FAM107B: variants seen among roughly 807,000 people sequenced by gnomAD.
FAM107B encodes the protein family with sequence similarity 107 member B.
Under a neutral mutation model 31.5 loss-of-function variants are expected in FAM107B, and 21 were observed. The ratio of observed to expected loss-of-function variants is 0.67; its 90% CI spans 0.47 to 0.96. FAM107B has a LOEUF of 0.96. FAM107B is among the 40% of genes least tolerant of loss of function. The probability of loss-of-function intolerance (pLI) is 0.00; values close to 1 mark genes in which losing one functional copy is unlikely to be tolerated. For synonymous variants in FAM107B, 157 were observed against 141.5 expected, an observed-to-expected ratio of 1.11 and a Z score of -0.78; for missense variants, 452 against 377.1, an observed-to-expected ratio of 1.20 and a Z score of -1.64.
chr10:14,767,077 G>GAGAC (rs1588767610), intron 1 of FAM107B, among the ~76,000 whole-genome samples: 1 of 91,124 alleles, frequency 1.1e-5, no homozygotes, highest in Non-Finnish European at 2.2e-5. Context: ...GAGAGAGAGA[G>GAGAC]AGAGAGAGAG....
rs556887928 is a variant in FAM107B at position 14,677,525 on chromosome 10, G to C, written c.412-9834C>G. 3.7e-4 allele frequency among the ~76,000 whole-genome samples: 56 copies of C among 152,272 alleles called. No homozygotes were observed. In the South Asian group the frequency reaches 0.011, roughly 29 times the overall value. On this transcript the variant is annotated intron_variant, in intron 1 of 4. Transcript: ENST00000181796. ...AGTCCCAGCTACTCGGCAGGCTGAGGCAGGAGAATGGCGCGAACCCGGGAG... is the reference window on the plus strand; with the variant it reads ...AGTCCCAGCTACTCGGCAGGCTGAGCCAGGAGAATGGCGCGAACCCGGGAG...
intron 2 of FAM107B, among the ~76,000 whole-genome samples, chr10:14,617,853 A>T (rs1396943742): frequency 6.6e-6 from 1 of 150,712 alleles, no homozygotes; most frequent in Non-Finnish European, 1.5e-5. Context: ...GCTACTTGGG[A>T]GGCTGAGACA....
At chr10:14,552,158 CTA>C (rs1235555517) in intron 2 of FAM107B, among the ~76,000 whole-genome samples, 1 of 152,120 alleles carries the variant, frequency 6.6e-6, no homozygotes, top group East Asian at 1.9e-4. Flanking sequence ...ACCGGCATGG[CTA>C]TGTGTGACCC....
At chr10:14,587,338 G>A (rs1277765478) in intron 2 of FAM107B, among the ~76,000 whole-genome samples, 1 of 152,162 alleles carries the variant, frequency 6.6e-6, no homozygotes, top group East Asian at 1.9e-4. Context: ...ATGTATTTAT[G>A]CACAGAAATA....
intron 2 of FAM107B, among the ~76,000 whole-genome samples, chr10:14,621,918 A>G (rs1334433863): frequency 3.9e-5 from 6 of 152,370 alleles, no homozygotes; most frequent in Non-Finnish European, 7.3e-5. Flanking sequence ...TGCCAAGTCA[A>G]TGAACACTAA....
intron 2 of FAM107B, among the ~76,000 whole-genome samples, chr10:14,627,915 T>C (rs957963131): frequency 3.3e-5 from 5 of 151,854 alleles, no homozygotes; most frequent in Admixed American, 2.6e-4. Context: ...CCAGAAGATA[T>C]AATTGAGAGT....
chr10:14,577,126 G>T (rs1851489680), intron 2 of FAM107B, among the ~76,000 whole-genome samples: 1 of 152,166 alleles, frequency 6.6e-6, no homozygotes, highest in Non-Finnish European at 1.5e-5. Flanking sequence ...TGCCTTTTAT[G>T]GCTGGATATG....
At position 14,584,746 on chromosome 10, in the gene FAM107B, C is replaced by T. The variant is rs187140177; in HGVS notation, c.470-54231G>A. Among the ~76,000 whole-genome samples, 349 of 152,310 alleles carry T rather than the reference C, an allele frequency of 2.3e-3. 4 individuals carry two copies. The highest frequency in any genetic ancestry group is 0.022 in the Admixed American group (334 of 15,298). On this transcript the variant is annotated intron_variant, in intron 2 of 4. Transcript: ENST00000181796. ...AAAAGGATAACCCCAACTTTCCACA[C>T]CTATGTAACAAAAGGACCGGAGGCC... is the stretch of plus-strand genomic sequence containing the variant.
intron 2 of FAM107B, among the ~76,000 whole-genome samples, chr10:14,617,445 T>C (rs1300389951): frequency 6.6e-6 from 1 of 152,172 alleles, no homozygotes; most frequent in Non-Finnish European, 1.5e-5. Context: ...GTCAAGCCAC[T>C]CAGGAGACAC....
At chr10:14,691,328 G>C (rs889580019) in intron 1 of FAM107B, among the ~76,000 whole-genome samples, 3 of 152,288 alleles carry the variant, frequency 2.0e-5, no homozygotes, top group Admixed American at 2.0e-4. Context: ...CAGAGTCCAT[G>C]TCTCCAAAAG....
At chr10:14,696,846 G>T (rs922952723) in intron 1 of FAM107B, among the ~76,000 whole-genome samples, 2 of 152,166 alleles carry the variant, frequency 1.3e-5, no homozygotes, top group African/African-American at 4.8e-5. Context: ...CCGAGGTCCC[G>T]TAGGCTGTGC....
At chr10:14,734,966 A>C (rs1220490407) in intron 1 of FAM107B, among the ~76,000 whole-genome samples, 1 of 152,168 alleles carries the variant, frequency 6.6e-6, no homozygotes, top group Non-Finnish European at 1.5e-5. Flanking sequence ...GTTCCAGCCG[A>C]ATCTGCCAAG....
chr10:14,638,219 A>G lies in FAM107B; in HGVS notation c.469+29415T>C, dbSNP rs74689032. ...TTGTTTTTGGTCCCTGGGAATTTCT[A>G]TTATTTTCTTTAACAATTAGCTGTG... On this transcript the variant is annotated intron_variant, in intron 2 of 4. Transcript: ENST00000181796. Among the ~76,000 whole-genome samples, 1,167 of 150,204 alleles carry G rather than the reference A, an allele frequency of 7.8e-3. 32 individuals carry two copies. Among genetic ancestry groups the G allele is most frequent in the Admixed American group, 0.043 (655 of 15,136 alleles).
chr10:14,548,371 G>T, intron 2 of FAM107B: 2 of 967,426 alleles, frequency 2.1e-6, no homozygotes, highest in East Asian at 1.1e-4. Context: ...CCTCCTGCCA[G>T]CTCCAGGGGA....
chr10:14,581,307 C>A (rs1851628531), intron 2 of FAM107B, among the ~76,000 whole-genome samples: 2 of 152,172 alleles, frequency 1.3e-5, no homozygotes, highest in South Asian at 4.1e-4. Context: ...TGGGCAAGCA[C>A]CTGAATCGCT....
intron 1 of FAM107B, among the ~76,000 whole-genome samples, chr10:14,669,037 A>T (rs1326938262): frequency 6.6e-6 from 1 of 152,278 alleles, no homozygotes; most frequent in Non-Finnish European, 1.5e-5. Flanking sequence ...CACCTGGATT[A>T]GAACCCACCA....
chr10:14,590,093 T>C (rs7907299), intron 2 of FAM107B, among the ~76,000 whole-genome samples: 56,175 of 152,058 alleles, frequency 0.37, 10,699 homozygotes, highest in East Asian at 0.66. Context: ...TCATTAGCTG[T>C]GTGGTCTTGG....
chr10:14,677,501 G>C (rs981457920), intron 1 of FAM107B, among the ~76,000 whole-genome samples: 15 of 152,100 alleles, frequency 9.9e-5, no homozygotes, highest in African/African-American at 3.6e-4. Context: ...GGCGCCTGTA[G>C]TCCCAGCTAC....
chr10:14,677,489 T>C (rs11259263), intron 1 of FAM107B, among the ~76,000 whole-genome samples: 28,359 of 152,000 alleles, frequency 0.19, 2,732 homozygotes, highest in South Asian at 0.29. Context: ...GGCGTGGTGG[T>C]GGGCGCCTGT....
Sources: gnomAD v4.1 joint callset for allele counts (sites outside exome capture counted in the v4.1 genomes callset) on GRCh38, gnomAD v4.1.1 for gene constraint, MANE v1.5 for transcripts, NCBI Gene and HGNC (gene_info 2026-07-23, HGNC 2026-07-21) for gene names.